Variants in DEGS2 observed in about 807,000 individuals in gnomAD.
DEGS2 encodes delta 4-desaturase, sphingolipid 2.
DEGS2 carries 19 observed loss-of-function variants against 23.8 expected under a neutral mutation model. The ratio of observed to expected loss-of-function variants is 0.80; its 90% CI spans 0.56 to 1.17. DEGS2 has a LOEUF of 1.17. Among genes scored for constraint, DEGS2 ranks in the 50% most tolerant of loss-of-function variants. The pLI is 0.00. For missense variants in DEGS2, 390 were observed against 459.5 expected (o/e 0.85, Z 1.38); for synonymous variants, 218 against 213.7 (o/e 1.02, Z -0.18).
rs148272060 is a variant in DEGS2 at position 100,145,209 on chromosome 14, C to G, written c.*1552G>C. On this transcript the variant is annotated 3_prime_UTR_variant, in exon 3 of 3. Coordinates refer to ENST00000305631, the MANE Select transcript of DEGS2 (RefSeq NM_206918.3). Reference sequence around the variant, plus strand: ...CTTCAGTTTGTGGGTGAGGCCTGGACATGCCCCTTTGCGCTGTCTGCAGAA... The same window carrying G: ...CTTCAGTTTGTGGGTGAGGCCTGGAGATGCCCCTTTGCGCTGTCTGCAGAA... 1,109 of 152,552 alleles carry G rather than the reference C, an allele frequency of 7.3e-3. 5 individuals are homozygous for G. The highest frequency in any genetic ancestry group is 0.011 in the Non-Finnish European group (759 of 68,190). 9.4% of individuals were successfully genotyped at this position (152,552 alleles called of 1,614,324 possible).
chr14:100,161,088 G>A (rs751203003), upstream of DEGS2, among the ~76,000 whole-genome samples: 7 of 152,234 alleles, frequency 4.6e-5, no homozygotes, highest in Non-Finnish European at 8.8e-5. Flanking sequence ...CTTGCCTGAG[G>A]CACAGAGGAA....
At chr14:100,164,105 G>A (rs894265563), upstream of DEGS2, among the ~76,000 whole-genome samples, 6 of 152,016 alleles carry the variant, frequency 3.9e-5, 1 homozygote, top group Non-Finnish European at 7.4e-5. Flanking sequence ...GGTCCCAGGC[G>A]CGATGTAGGA....
chr14:100,166,278 G>C, the DEGS2 span, among the ~76,000 whole-genome samples: 1 of 103,014 alleles, frequency 9.7e-6, no homozygotes, highest in South Asian at 3.6e-4. Flanking sequence ...GAGCCTGTCT[G>C]GGGGAGTGGG....
chr14:100,166,341 GCCCGGGGC>G, the DEGS2 span, among the ~76,000 whole-genome samples: 1 of 41,104 alleles, frequency 2.4e-5, no homozygotes, highest in Non-Finnish European at 4.2e-5. Flanking sequence ...GGGGGAGCCT[GCCCGGGGC>G]TGTGGGGGGA....
At chr14:100,150,426 C>T (rs1011896826) in intron 1 of DEGS2, among the ~76,000 whole-genome samples, 2 of 148,446 alleles carry the variant, frequency 1.3e-5, no homozygotes, top group Admixed American at 6.7e-5. Context: ...GGCAACCAGC[C>T]GCTGCTTCCC....
At chr14:100,164,784 T>C in the DEGS2 span, among the ~76,000 whole-genome samples, 6 of 152,338 alleles carry the variant, frequency 3.9e-5, 1 homozygote, top group South Asian at 1.2e-3. Context: ...TCTTCAGTAA[T>C]ATCTATGAAA....
chr14:100,149,579 A>G lies in DEGS2; in HGVS notation c.214T>C (p.Trp72Arg). The G allele has an allele frequency of 6.2e-7, 1 of 1,609,242 alleles. No homozygotes were observed. The highest frequency in any genetic ancestry group is 2.2e-5 in the East Asian group (1 of 44,786). ...RGLAWRWLLF[W>R]AYAFGGCVNH... ...ACGCAGCCACCAAAGGCGTAGGCCC[A>G]GAACAGCAGCCAGCGCCAGGCCAGC... Residue 72 changes from tryptophan to arginine, a missense_variant, in exon 2 of 3, where the codon TGG becomes CGG. Trp to Arg is a moderately radical substitution (Grantham distance 101, BLOSUM62 -3). Coordinates refer to ENST00000305631, the MANE Select transcript of DEGS2 (RefSeq NM_206918.3).
rs1000435517 is a variant in DEGS2 at position 100,149,397 on chromosome 14, G to A, written c.396C>T (p.His132=). The change falls in exon 2 of 3, where the codon CAC becomes CAT. Residue 132 remains histidine, a synonymous_variant. Coordinates refer to ENST00000305631, the MANE Select transcript of DEGS2 (RefSeq NM_206918.3). ...ASFKKYHVDH[H]RYLGGDGLDV... ...CCAGCCCGTCGCCGCCCAGGTAGCGGTGGTGGTCCACGTGGTACTTCTTGA... is the reference window on the plus strand; with the variant it reads ...CCAGCCCGTCGCCGCCCAGGTAGCGATGGTGGTCCACGTGGTACTTCTTGA... 1 of 1,604,884 alleles carries A rather than the reference G, an allele frequency of 6.2e-7. No individual in the cohort carries two copies.
the DEGS2 span, among the ~76,000 whole-genome samples, chr14:100,165,726 A>G: frequency 6.6e-6 from 1 of 151,848 alleles, no homozygotes; most frequent in Non-Finnish European, 1.5e-5. Context: ...AGGTTCCCCA[A>G]GGCTCCTCCA....
At position 100,149,377 on chromosome 14, in the gene DEGS2, C is replaced by T. The variant is rs1889520862; in HGVS notation, c.416G>A (p.Gly139Glu). Residue 139 changes from glycine to glutamate, a missense_variant, in exon 2 of 3, where the codon GGG becomes GAG. Coordinates refer to ENST00000305631, the MANE Select transcript of DEGS2 (RefSeq NM_206918.3). ...VDHHRYLGGD[G>E]LDVDVPTRLE... Reference sequence around the variant, plus strand: ...ACGCGTGGGCACGTCCACGTCCAGCCCGTCGCCGCCCAGGTAGCGGTGGTG... The same window carrying T: ...ACGCGTGGGCACGTCCACGTCCAGCTCGTCGCCGCCCAGGTAGCGGTGGTG... 3.1e-6 allele frequency: 5 copies of T among 1,605,648 alleles called. No homozygotes were observed. Among genetic ancestry groups the T allele is most frequent in the Admixed American group, 1.7e-5 (1 of 59,598 alleles).
chr14:100,159,609 C>A lies in DEGS2; in HGVS notation c.-22G>T. 2 of 1,393,002 alleles carry A rather than the reference C, an allele frequency of 1.4e-6. No homozygotes were observed. Among genetic ancestry groups the A allele is most frequent in the Non-Finnish European group, 9.4e-7 (1 of 1,062,966 alleles). The allele number at this position is 1,393,002 out of a possible 1,614,324, so 86.3% of individuals were successfully genotyped here. ...CCATGGTGGGGCGGGAGGCGCCGTT[C>A]GGAGCGCGGCCGGCTCGGCTCTGCT... On this transcript the variant is annotated 5_prime_UTR_variant, in exon 1 of 3. Transcript: ENST00000305631.
upstream of DEGS2, chr14:100,160,259 C>T (rs1193562494): frequency 1.3e-5 from 2 of 152,310 alleles, no homozygotes; most frequent in Non-Finnish European, 2.9e-5. Context: ...AACTTGAGTT[C>T]TGGATGGGGA....
chr14:100,159,778 C>T (rs1416915107), upstream of DEGS2: 15 of 338,158 alleles, frequency 4.4e-5, no homozygotes, highest in East Asian at 5.5e-4. Context: ...CTCTCCAGAC[C>T]CCGGCGGGTA....
intron 1 of DEGS2, among the ~76,000 whole-genome samples, chr14:100,158,439 G>A (rs530043007): frequency 1.3e-5 from 2 of 152,102 alleles, no homozygotes; most frequent in African/African-American, 4.8e-5. Flanking sequence ...GCAGGTGCCT[G>A]TAATCCCAGC....
the DEGS2 span, among the ~76,000 whole-genome samples, chr14:100,166,418 C>T: frequency 6.6e-6 from 1 of 150,680 alleles, no homozygotes; most frequent in Non-Finnish European, 1.5e-5. Flanking sequence ...GTGTGAGGAC[C>T]CCCGCCCCCA....
intron 1 of DEGS2, among the ~76,000 whole-genome samples, chr14:100,151,829 C>T (rs984046004): frequency 6.6e-5 from 10 of 152,200 alleles, no homozygotes; most frequent in Non-Finnish European, 8.8e-5. Flanking sequence ...TTGACTGACT[C>T]CTTGACAGGA....
intron 2 of DEGS2, among the ~76,000 whole-genome samples, 185 bp from the exon 3 acceptor site, chr14:100,147,092 G>A (rs1188119184): frequency 6.6e-6 from 1 of 152,172 alleles, no homozygotes; most frequent in African/African-American, 2.4e-5. Flanking sequence ...CGTCGCCTCT[G>A]GGGTGCCCAT....
rs1555365195 is a variant in DEGS2 at position 100,153,293 on chromosome 14, A to AGATAGATAGATAGAT, written c.83-3584_83-3583insATCTATCTATCTATC. Among the ~76,000 whole-genome samples the AGATAGATAGATAGAT allele has an allele frequency of 6.3e-5, 8 of 126,102 alleles. No individual in the cohort carries two copies. The East Asian group carries it at 1.7e-3, about 27-fold the overall frequency. The allele number at this position is 126,102 out of a possible 152,430, so 82.7% of individuals were successfully genotyped here. Reference sequence around the variant, plus strand: ...TAGATAGATAGATAGATAGATAGATAGATAGATAGATAATAGATGTGAGAG... The same window carrying AGATAGATAGATAGAT: ...TAGATAGATAGATAGATAGATAGATAGATAGATAGATAGATGATAGATAGATAATAGATGTGAGAG... On this transcript the variant is annotated intron_variant, in intron 1 of 2. Transcript: ENST00000305631.
intron 1 of DEGS2, among the ~76,000 whole-genome samples, chr14:100,154,716 G>C (rs1362511028): frequency 1.3e-5 from 2 of 152,222 alleles, no homozygotes; most frequent in African/African-American, 4.8e-5. Flanking sequence ...ACTCTGATGG[G>C]TTACAGCCTT....
Sources: gnomAD v4.1 joint callset for allele counts (sites outside exome capture counted in the v4.1 genomes callset) on GRCh38, gnomAD v4.1.1 for gene constraint, MANE v1.5 for transcripts, NCBI Gene and HGNC (gene_info 2026-07-23, HGNC 2026-07-21) for gene names.